The following PAX3 variants were observed in gnomAD, a reference collection of about 807,000 sequenced individuals.
The protein encoded by PAX3 is paired box protein Pax-3.
In PAX3, 14 loss-of-function variants were observed where a neutral mutation model predicts 51.6. The observed-to-expected ratio is 0.27, with a 90% CI of 0.18 to 0.42. PAX3 has a LOEUF of 0.42. Ranked by LOEUF, PAX3 falls within the 10% of genes least tolerant of loss-of-function variation. The pLI, the probability that PAX3 is intolerant of heterozygous loss-of-function variation, is 1.00. For missense variants in PAX3, 540 were observed against 642.8 expected (o/e 0.84, Z 1.73); for synonymous variants, 280 against 253.4 (o/e 1.11, Z -1.00).
intron 4 of PAX3, among the ~76,000 whole-genome samples, chr2:222,284,148 A>C (rs1173553195): frequency 6.6e-6 from 1 of 152,246 alleles, no homozygotes; most frequent in Non-Finnish European, 1.5e-5. Context: ...TCATGCACAA[A>C]GAAAAAAGAA....
rs182984140 is a variant in PAX3, at chr2:222,224,755, T to G, written c.793-3368A>C. Among the ~76,000 whole-genome samples the G allele has an allele frequency of 7.2e-5, 11 of 152,330 alleles. No individual in the cohort carries two copies. In the East Asian group the frequency reaches 1.7e-3, roughly 24 times the overall value. ...TTCCTAACATACAATCAATGAATAA[T>G]CTGCAGAATGGCATGTGTGAGTGTA... On this transcript the variant is annotated intron_variant, in intron 5 of 8. Coordinates refer to ENST00000392070, the MANE Select transcript of PAX3 (RefSeq NM_181458.4).
chr2:222,228,425 G>A (rs1178225608), intron 5 of PAX3, among the ~76,000 whole-genome samples: 1 of 152,120 alleles, frequency 6.6e-6, no homozygotes, highest in East Asian at 1.9e-4. Flanking sequence ...ATTATCCTTT[G>A]ACATTCATTG....
intron 4 of PAX3, among the ~76,000 whole-genome samples, chr2:222,272,337 A>C (rs1316896040): frequency 6.6e-6 from 1 of 152,236 alleles, no homozygotes; most frequent in African/African-American, 2.4e-5. Flanking sequence ...GTGTTATGTC[A>C]ACTAAAGAGG....
intron 4 of PAX3, 107 bp from the exon 5 acceptor site, chr2:222,232,390 C>A: frequency 1.1e-6 from 1 of 891,560 alleles, no homozygotes. Context: ...ACAGTGATCC[C>A]TATACCTAAA....
chr2:222,257,072 A>T (rs1407787355), intron 4 of PAX3, among the ~76,000 whole-genome samples: 1 of 152,222 alleles, frequency 6.6e-6, no homozygotes, highest in Non-Finnish European at 1.5e-5. Flanking sequence ...ATGGTAAGGA[A>T]AAATAGTAGT....
At position 222,227,731 on chromosome 2, in the gene PAX3, A is replaced by T. The variant is rs543736477; in HGVS notation, c.792+4347T>A. On this transcript the variant is annotated intron_variant, in intron 5 of 8. Transcript: ENST00000392070. ...TGAATTAGGCAAATCATCTTTTTTA[A>T]AAAAAAAAAAAACCTTGTAGTGTTA... is the stretch of plus-strand genomic sequence containing the variant. Among the ~76,000 whole-genome samples, 152 of 94,468 alleles carry T rather than the reference A, an allele frequency of 1.6e-3. No individual in the cohort carries two copies. In the South Asian group the frequency reaches 0.022, roughly 14 times the overall value. The allele number at this position is 94,468 out of a possible 152,430, so 62.0% of individuals were successfully genotyped here.
intron 4 of PAX3, chr2:222,293,832 A>T (rs1695139152): frequency 1.2e-6 from 2 of 1,613,520 alleles, no homozygotes; most frequent in Non-Finnish European, 1.7e-6. Context: ...TTGCTCAGAG[A>T]TGCCCAGTCT....
At chr2:222,291,142 C>G (rs1347184062) in intron 4 of PAX3, among the ~76,000 whole-genome samples, 1 of 152,116 alleles carries the variant, frequency 6.6e-6, no homozygotes, top group Non-Finnish European at 1.5e-5. Context: ...CCCGCTAGGC[C>G]GAGCCGGGGG....
intron 4 of PAX3, among the ~76,000 whole-genome samples, chr2:222,282,052 A>AT (rs757966917): frequency 1.3e-5 from 2 of 152,138 alleles, no homozygotes; most frequent in South Asian, 2.1e-4. Flanking sequence ...GTTTTTTCTT[A>AT]TTTTTTTAAA....
chr2:222,213,861 G>C (rs746590619), intron 7 of PAX3, among the ~76,000 whole-genome samples: 4 of 152,148 alleles, frequency 2.6e-5, no homozygotes, highest in Admixed American at 6.6e-5. Flanking sequence ...TTCTGGATGC[G>C]TACCCAAAAA....
At chr2:222,269,668 A>T (rs1468694107) in intron 4 of PAX3, among the ~76,000 whole-genome samples, 4 of 152,150 alleles carry the variant, frequency 2.6e-5, no homozygotes, top group Non-Finnish European at 5.9e-5. Flanking sequence ...AAAAAAAAAA[A>T]AAGTCGTACT....
At chr2:222,223,692 G>A (rs940894414) in intron 5 of PAX3, among the ~76,000 whole-genome samples, 1 of 152,234 alleles carries the variant, frequency 6.6e-6, no homozygotes, top group Non-Finnish European at 1.5e-5. Context: ...ATCTAGACCA[G>A]CGATGTACAG....
chr2:222,220,765 T>C (rs549887225), intron 6 of PAX3, among the ~76,000 whole-genome samples: 84 of 152,362 alleles, frequency 5.5e-4, no homozygotes, highest in African/African-American at 1.9e-3. Flanking sequence ...ATGCCTGGAA[T>C]GTTCTTTCAT....
intron 4 of PAX3, among the ~76,000 whole-genome samples, chr2:222,239,616 G>A (rs1342888205): frequency 6.6e-6 from 1 of 151,978 alleles, no homozygotes; most frequent in South Asian, 2.1e-4. Context: ...TGAACTTTCC[G>A]GAATTCTTAA....
chr2:222,205,392 C>A (rs1038894073), intron 7 of PAX3, among the ~76,000 whole-genome samples: 1 of 152,110 alleles, frequency 6.6e-6, no homozygotes, highest in African/African-American at 2.4e-5. Context: ...CAGCACTCAG[C>A]ACAGCAGCCC....
intron 4 of PAX3, among the ~76,000 whole-genome samples, chr2:222,283,404 A>G (rs1167219761): frequency 6.6e-6 from 1 of 152,218 alleles, no homozygotes; most frequent in African/African-American, 2.4e-5. Context: ...GATACTGGCC[A>G]CTAGCAGACA....
Position 222,202,019 on chromosome 2 carries a change from A to G in PAX3, c.1345T>C (p.Cys449Arg). Residue 449 changes from cysteine (C) to arginine (R), a missense_variant, in exon 8 of 9, where the codon TGT becomes CGT. Transcript: ENST00000392070. ...LDSLPTSQSY[C>R]PPTYSTTGYS... The stretch of plus-strand genomic sequence containing the variant: ...CCTGTGGTGCTATAGGTGGGTGGAC[A>G]GTAGGACTGAGATGTTGGCAGACTG... 6.2e-7 allele frequency: 1 copy of G among 1,614,112 alleles called. No individual in the cohort carries two copies. The highest frequency in any genetic ancestry group is 8.5e-7 in the Non-Finnish European group (1 of 1,180,004).
At chr2:222,295,143 G>A (rs1367214130) in intron 3 of PAX3, among the ~76,000 whole-genome samples, 1 of 152,092 alleles carries the variant, frequency 6.6e-6, no homozygotes, top group African/African-American at 2.4e-5. Flanking sequence ...CCACGGCTTT[G>A]CGCACACGGC....
chr2:222,291,617 T>G (rs2106191918), intron 4 of PAX3, among the ~76,000 whole-genome samples: 1 of 152,192 alleles, frequency 6.6e-6, no homozygotes. Context: ...AAAGCCAGGC[T>G]CAGCAGCACC....
Sources: gnomAD v4.1 joint callset for allele counts (sites outside exome capture counted in the v4.1 genomes callset) on GRCh38, gnomAD v4.1.1 for gene constraint, MANE v1.5 for transcripts, NCBI Gene and HGNC (gene_info 2026-07-23, HGNC 2026-07-21) for gene names.